PTPRN2: variants seen among roughly 807,000 people sequenced by gnomAD.
PTPRN2 encodes protein tyrosine phosphatase receptor type N2.
PTPRN2 carries 74 observed loss-of-function variants against 118.8 expected under a neutral mutation model. The observed-to-expected ratio is 0.62, with a 90% CI of 0.52 to 0.76. The LOEUF (loss-of-function observed/expected upper bound fraction) is 0.76. Ranked by LOEUF, PTPRN2 falls within the 30% of genes least tolerant of loss-of-function variation. The pLI is 0.00. For missense variants in PTPRN2, 1,481 were observed against 1,394.4 expected (o/e 1.06, Z -0.99); for synonymous variants, 641 against 608.0 (o/e 1.05, Z -0.80).
Position 157,952,952 on chromosome 7 carries a change from A to G in PTPRN2, c.1724-54215T>C, listed in dbSNP as rs139537453. Among the ~76,000 whole-genome samples, 508 of 151,828 alleles carry G rather than the reference A, an allele frequency of 3.3e-3. 4 individuals carry two copies. The highest frequency in any genetic ancestry group is 0.012 in the African/African-American group (486 of 41,394). On this transcript the variant is annotated intron_variant, in intron 11 of 22. Coordinates refer to ENST00000389418, the MANE Select transcript of PTPRN2 (RefSeq NM_002847.5). Reference sequence around the variant, plus strand: ...GACGTCAGCACGGCAGGTGGGAGAAAGCCATGCACACAGTGAAGGGGACGG... The same window carrying G: ...GACGTCAGCACGGCAGGTGGGAGAAGGCCATGCACACAGTGAAGGGGACGG...
At chr7:158,145,950 T>C (rs1404145600) in intron 6 of PTPRN2, among the ~76,000 whole-genome samples, 1 of 152,166 alleles carries the variant, frequency 6.6e-6, no homozygotes, top group Non-Finnish European at 1.5e-5. Flanking sequence ...TCCATATCTG[T>C]AAAATGGTGA....
chr7:157,652,758 C>G lies in PTPRN2; in HGVS notation c.2196+3599G>C, dbSNP rs1287539605. On this transcript the variant is annotated intron_variant, in intron 14 of 22. Transcript: ENST00000389418. ...ATGGATCCCCCCATCGGGGCAGGCA[C>G]CTGCCGCCTCCTGTCTCCCAGGGAA... Among the ~76,000 whole-genome samples, 7 of 152,348 alleles carry G rather than the reference C, an allele frequency of 4.6e-5. No homozygotes were observed. In the East Asian group the frequency reaches 1.3e-3, roughly 29 times the overall value.
intron 12 of PTPRN2, among the ~76,000 whole-genome samples, chr7:157,772,344 TAC>T (rs1230372050): frequency 1.3e-4 from 13 of 100,102 alleles, no homozygotes; most frequent in African/African-American, 5.5e-4. Context: ...CACACAGACA[TAC>T]ACACACACAC....
At chr7:158,374,737 T>C (rs907527724) in intron 2 of PTPRN2, among the ~76,000 whole-genome samples, 1 of 152,156 alleles carries the variant, frequency 6.6e-6, no homozygotes, top group Non-Finnish European at 1.5e-5. Context: ...CAGCAAGCTT[T>C]AGACCTGGAG....
At chr7:157,767,500 TGCAGTAAGAATGCTCACGAATACA>T (rs1179906662) in intron 12 of PTPRN2, among the ~76,000 whole-genome samples, 8 of 152,346 alleles carry the variant, frequency 5.3e-5, no homozygotes, top group East Asian at 1.9e-4. Context: ...AGTCACACCC[TGCAGTAAGAATGCTCACGAATACA>T]GCAGTAAGAA....
chr7:157,987,744 C>T lies in PTPRN2; in HGVS notation c.1724-89007G>A, dbSNP rs549459925. On this transcript the variant is annotated intron_variant, in intron 11 of 22. Coordinates refer to ENST00000389418, the MANE Select transcript of PTPRN2 (RefSeq NM_002847.5). The surrounding 1 kb of genome is among the most constrained non-coding windows in gnomAD (Gnocchi z 4.3). Reference sequence around the variant, plus strand: ...CAGTGTGGGATCCACAGTTACAGAGCGGATGGGGGACTAAGAACATCCATT... The same window carrying T: ...CAGTGTGGGATCCACAGTTACAGAGTGGATGGGGGACTAAGAACATCCATT... 9.4e-4 allele frequency among the ~76,000 whole-genome samples: 143 copies of T among 152,268 alleles called. No individual in the cohort carries two copies. Among genetic ancestry groups the T allele is most frequent in the African/African-American group, 2.9e-3 (122 of 41,526 alleles).
chr7:158,327,395 G>A (rs1803720387), intron 2 of PTPRN2, among the ~76,000 whole-genome samples: 1 of 146,802 alleles, frequency 6.8e-6, no homozygotes, highest in African/African-American at 2.5e-5. Flanking sequence ...GCACACACAT[G>A]CTCACACATG....
rs577480456 is a variant in PTPRN2 at position 158,274,475 on chromosome 7, G to T, written c.277+42344C>A. ...ACGGGGAGCCGCAGACACAGGAGGA[G>T]ACACACGAGGAGCCGCAGGCACAGG... On this transcript the variant is annotated intron_variant, in intron 3 of 22. Transcript: ENST00000389418. 2.1e-5 allele frequency among the ~76,000 whole-genome samples: 3 copies of T among 145,536 alleles called. No homozygotes were observed. In the East Asian group the frequency reaches 6.3e-4, roughly 31 times the overall value.
intron 12 of PTPRN2, among the ~76,000 whole-genome samples, chr7:157,894,156 G>A (rs1043535978): frequency 1.3e-5 from 2 of 152,182 alleles, no homozygotes; most frequent in Non-Finnish European, 2.9e-5. Flanking sequence ...CCTCGCACAC[G>A]CACATCGAAA....
At chr7:158,474,003 C>G (rs190649304) in intron 2 of PTPRN2, among the ~76,000 whole-genome samples, 1 of 152,162 alleles carries the variant, frequency 6.6e-6, no homozygotes, top group Non-Finnish European at 1.5e-5. Context: ...CTTTCTCCTA[C>G]GTCAGTGACA....
At chr7:158,073,551 T>C (rs1563396847) in intron 11 of PTPRN2, among the ~76,000 whole-genome samples, 1 of 152,176 alleles carries the variant, frequency 6.6e-6, no homozygotes, top group Admixed American at 6.5e-5. Flanking sequence ...TCTGCTCCGG[T>C]ATAAAGACAC....
At chr7:158,215,167 T>C (rs1000000657) in intron 3 of PTPRN2, among the ~76,000 whole-genome samples, 1 of 152,036 alleles carries the variant, frequency 6.6e-6, no homozygotes, top group Admixed American at 6.6e-5. Context: ...AGAAAATAGA[T>C]GATGTAAATA....
chr7:158,320,498 C>A (rs554863038), intron 2 of PTPRN2, among the ~76,000 whole-genome samples: 2 of 136,340 alleles, frequency 1.5e-5, no homozygotes, highest in South Asian at 4.6e-4. Flanking sequence ...ATGGCGCCCC[C>A]ATCGCCCGCA....
At chr7:158,087,034 G>A (rs1363961513) in intron 10 of PTPRN2, among the ~76,000 whole-genome samples, 1 of 152,164 alleles carries the variant, frequency 6.6e-6, no homozygotes, top group Non-Finnish European at 1.5e-5. Flanking sequence ...GCAAAATCGG[G>A]GGAACAAGAC....
At chr7:157,957,343 G>C (rs1049639218) in intron 11 of PTPRN2, among the ~76,000 whole-genome samples, 1 of 151,802 alleles carries the variant, frequency 6.6e-6, no homozygotes, top group African/African-American at 2.4e-5. Context: ...ATTAATCCCT[G>C]GGGGGGTGAA....
intron 12 of PTPRN2, among the ~76,000 whole-genome samples, chr7:157,792,625 C>T (rs1370444755): frequency 6.6e-6 from 1 of 152,192 alleles, no homozygotes; most frequent in Non-Finnish European, 1.5e-5. Flanking sequence ...GCTGGGTGCT[C>T]ACAGAACACC....
chr7:158,061,305 G>T (rs1282705628), intron 11 of PTPRN2, among the ~76,000 whole-genome samples: 1 of 152,262 alleles, frequency 6.6e-6, no homozygotes, highest in Admixed American at 6.5e-5. Context: ...ACAAGGGGAG[G>T]ACTGAGTCCA....
chr7:158,264,889 G>A (rs1344555546), intron 3 of PTPRN2, among the ~76,000 whole-genome samples: 1 of 152,150 alleles, frequency 6.6e-6, no homozygotes, highest in Non-Finnish European at 1.5e-5. Context: ...CTGTCCCATG[G>A]AGTTTTGGGG....
rs868128151 is a variant in PTPRN2 at position 157,953,453 on chromosome 7, C to T, written c.1724-54716G>A. On this transcript the variant is annotated intron_variant, in intron 11 of 22. Transcript: ENST00000389418. The surrounding 1 kb of genome is among the most constrained non-coding windows in gnomAD (Gnocchi z 4.6). ...GCATGGAGAGTGTCCTCCCAGGATACAGCGGAGTGCCCGTCACCACCTGCC... is the reference window on the plus strand; with the variant it reads ...GCATGGAGAGTGTCCTCCCAGGATATAGCGGAGTGCCCGTCACCACCTGCC... Among the ~76,000 whole-genome samples the T allele has an allele frequency of 2.6e-5, 4 of 152,126 alleles. No individual in the cohort carries two copies. Among genetic ancestry groups the T allele is most frequent in the Non-Finnish European group, 4.4e-5 (3 of 68,016 alleles).
Sources: allele counts gnomAD v4.1 joint callset (sites outside exome capture counted in the v4.1 genomes callset), GRCh38; gene constraint gnomAD v4.1.1; non-coding constraint Gnocchi (gnomAD v3.1); transcripts MANE v1.5; gene names NCBI Gene and HGNC (gene_info 2026-07-23, HGNC 2026-07-21).